Variants in MYT1L observed in about 807,000 individuals in gnomAD.
MYT1L encodes myelin transcription factor 1 like, also known as myelin transcription factor 1-like protein.
A neutral mutation model predicts 126.7 loss-of-function variants in MYT1L; 12 were observed. That is an observed-to-expected ratio of 0.09 (90% CI 0.06 to 0.15). The LOEUF is 0.15. Among genes scored for constraint, MYT1L ranks in the 10% least tolerant of loss-of-function variants. The pLI is 1.00. For missense variants in MYT1L, 979 were observed against 1,585.2 expected (o/e 0.62, Z 6.49); for synonymous variants, 541 against 604.2 (o/e 0.90, Z 1.53).
intron 5 of MYT1L, among the ~76,000 whole-genome samples, chr2:1,991,371 G>A (rs955716062): frequency 1.7e-4 from 26 of 151,936 alleles, no homozygotes; most frequent in Admixed American, 4.6e-4. Flanking sequence ...ATCATGGCTC[G>A]CCGCAGCCTT....
chr2:2,064,269 A>G (rs2070932275), intron 3 of MYT1L, among the ~76,000 whole-genome samples: 1 of 152,220 alleles, frequency 6.6e-6, no homozygotes, highest in East Asian at 1.9e-4. Context: ...AGTTGGAGCC[A>G]GCTCAAGACC....
At chr2:2,004,702 TGTGCCTTTCCTGC>T (rs1342261967) in intron 4 of MYT1L, among the ~76,000 whole-genome samples, 8 of 116,344 alleles carry the variant, frequency 6.9e-5, no homozygotes, top group Non-Finnish European at 1.2e-4. Flanking sequence ...TTCTTTCCTG[TGTGCCTTTCCTGC>T]GTGCCTTCTT....
At chr2:2,214,381 C>T (rs1445751731) in intron 2 of MYT1L, among the ~76,000 whole-genome samples, 1 of 151,648 alleles carries the variant, frequency 6.6e-6, no homozygotes, top group African/African-American at 2.4e-5. Flanking sequence ...ATGAACAAAA[C>T]CCAAACACAA....
intron 3 of MYT1L, among the ~76,000 whole-genome samples, chr2:2,068,015 CA>C (rs1299858560): frequency 6.6e-6 from 1 of 152,090 alleles, no homozygotes; most frequent in East Asian, 1.9e-4. Context: ...CTGACAATAC[CA>C]AATTTTGGAG....
At chr2:2,278,729 A>C (rs1352706182) in intron 2 of MYT1L, among the ~76,000 whole-genome samples, 1 of 152,352 alleles carries the variant, frequency 6.6e-6, no homozygotes, top group East Asian at 1.9e-4. Flanking sequence ...TTTAAACTTC[A>C]GGGGTAAATT....
At chr2:2,205,900 T>C (rs1405121057) in intron 2 of MYT1L, among the ~76,000 whole-genome samples, 1 of 152,200 alleles carries the variant, frequency 6.6e-6, no homozygotes, top group African/African-American at 2.4e-5. Flanking sequence ...TGTTCTCACA[T>C]AACGTTTTAC....
At chr2:2,181,150 G>C (rs1339339654) in intron 2 of MYT1L, among the ~76,000 whole-genome samples, 2 of 151,574 alleles carry the variant, frequency 1.3e-5, no homozygotes, top group Non-Finnish European at 2.9e-5. Context: ...GTCTGTGCCT[G>C]AGTATGTACC....
chr2:2,329,792 T>G (rs2096273861), intron 1 of MYT1L, among the ~76,000 whole-genome samples: 1 of 152,162 alleles, frequency 6.6e-6, no homozygotes, highest in Non-Finnish European at 1.5e-5. Context: ...TAAGGAGACT[T>G]TTAAGCAATT....
At position 1,858,417 on chromosome 2, in the gene MYT1L, A is replaced by G. The variant is rs552321206; in HGVS notation, c.2712-6714T>C. ...AACCAATGAAAGATCAAAAATATTC[A>G]GAGAAAAATGATAAAAAACAATAAA... On this transcript the variant is annotated intron_variant, in intron 18 of 24. Coordinates refer to ENST00000647738, the MANE Select transcript of MYT1L (RefSeq NM_001303052.2). 5.8e-4 allele frequency among the ~76,000 whole-genome samples: 88 copies of G among 152,372 alleles called. No individual in the cohort carries two copies. In the Middle Eastern group the frequency reaches 0.014, roughly 24 times the overall value.
intron 2 of MYT1L, among the ~76,000 whole-genome samples, chr2:2,270,448 A>G (rs2095240426): frequency 6.6e-6 from 1 of 152,174 alleles, no homozygotes; most frequent in Non-Finnish European, 1.5e-5. Context: ...GTGAGTCTCT[A>G]CCATGTGCCA....
intron 4 of MYT1L, among the ~76,000 whole-genome samples, chr2:2,003,865 T>C (rs1009632965): frequency 1.3e-5 from 2 of 152,264 alleles, no homozygotes; most frequent in Non-Finnish European, 2.9e-5. Context: ...ACTCCCTCAG[T>C]GCACCATGCT....
At chr2:1,816,100 G>C (rs970203605) in intron 21 of MYT1L, 1 of 152,298 alleles carries the variant, frequency 6.6e-6, no homozygotes, top group African/African-American at 2.4e-5. Flanking sequence ...CAAAGTGCTA[G>C]GATTACAGGT....
chr2:2,090,983 A>G (rs2076860767), intron 3 of MYT1L, among the ~76,000 whole-genome samples: 1 of 152,172 alleles, frequency 6.6e-6, no homozygotes, highest in Non-Finnish European at 1.5e-5. Flanking sequence ...TTCTCTTGCT[A>G]TTTCTACCAC....
chr2:1,965,518 AG>A (rs1248398385), intron 8 of MYT1L, among the ~76,000 whole-genome samples: 1 of 152,242 alleles, frequency 6.6e-6, no homozygotes, highest in Non-Finnish European at 1.5e-5. Context: ...GACTTGCAAA[AG>A]ATGAACGCTT....
intron 18 of MYT1L, among the ~76,000 whole-genome samples, chr2:1,870,910 G>A (rs763956420): frequency 2.0e-5 from 3 of 152,224 alleles, no homozygotes; most frequent in Non-Finnish European, 2.9e-5. Context: ...TCTGCGAGCT[G>A]CCCACTGGGC....
At chr2:2,134,910 C>T (rs2148068060) in intron 3 of MYT1L, among the ~76,000 whole-genome samples, 1 of 152,248 alleles carries the variant, frequency 6.6e-6, no homozygotes, top group Middle Eastern at 3.4e-3. Context: ...AGCTGCCTAC[C>T]CAGGTGAAAC....
At position 2,284,503 on chromosome 2, in the gene MYT1L, C is replaced by G. The variant is rs984804797; in HGVS notation, c.-520G>C. 2.0e-5 allele frequency: 3 copies of G among 152,268 alleles called. No homozygotes were observed. The highest frequency in any genetic ancestry group is 7.2e-5 in the African/African-American group (3 of 41,448). The allele number at this position is 152,268 out of a possible 1,614,324, so 9.4% of individuals were successfully genotyped here. ...TGGCTACAGCCTCCTCATGACCCGCCCTGCATGTAAGAGAAGAGGAAGAAA... is the reference window on the plus strand; with the variant it reads ...TGGCTACAGCCTCCTCATGACCCGCGCTGCATGTAAGAGAAGAGGAAGAAA... On this transcript the variant is annotated splice_region_variant and 5_prime_UTR_variant, in exon 2 of 25. Transcript: ENST00000647738.
intron 19 of MYT1L, among the ~76,000 whole-genome samples, chr2:1,850,034 G>GT (rs1491226229): frequency 2.9e-4 from 10 of 34,666 alleles, no homozygotes; most frequent in Admixed American, 1.3e-3. Context: ...GGGGTGGTGA[G>GT]GGGGGGGCCA....
chr2:1,904,271 C>T (rs2050741682), intron 13 of MYT1L, among the ~76,000 whole-genome samples: 1 of 152,172 alleles, frequency 6.6e-6, no homozygotes, highest in Admixed American at 6.5e-5. Context: ...CTGTCCTCCC[C>T]CTCGACAGCT....
Sources: allele counts gnomAD v4.1 joint callset (sites outside exome capture counted in the v4.1 genomes callset), GRCh38; gene constraint gnomAD v4.1.1; transcripts MANE v1.5; gene names NCBI Gene and HGNC (gene_info 2026-07-23, HGNC 2026-07-21).